The following VAV2 variants were observed in gnomAD, a reference collection of about 807,000 sequenced individuals.
VAV2 encodes vav guanine nucleotide exchange factor 2, also known as guanine nucleotide exchange factor VAV2.
VAV2 carries 67 observed loss-of-function variants against 132.5 expected under a neutral mutation model. That is an observed-to-expected ratio of 0.51 (90% CI 0.42 to 0.62). The LOEUF (loss-of-function observed/expected upper bound fraction) is 0.62, where lower values mean the gene tolerates loss of function less well. Among genes scored for constraint, VAV2 ranks in the 20% least tolerant of loss-of-function variants. The probability of loss-of-function intolerance (pLI) is 0.00; values close to 1 mark genes in which losing one functional copy is unlikely to be tolerated. For missense variants in VAV2, 938 were observed against 1,153.6 expected, an observed-to-expected ratio of 0.81 and a Z score of 2.71; for synonymous variants, 492 against 443.5, an observed-to-expected ratio of 1.11 and a Z score of -1.37.
At position 133,935,811 on chromosome 9, in the gene VAV2, A is replaced by G. The variant is rs2132123910; in HGVS notation, c.321+3292T>C. 6.6e-6 allele frequency among the ~76,000 whole-genome samples: 1 copy of G among 152,194 alleles called. No individual in the cohort carries two copies. Among genetic ancestry groups the G allele is most frequent in the Middle Eastern group, 3.4e-3 (1 of 294 alleles). ...AGACAGGGCTGGCGGGGCCGAGGCC[A>G]GGCCCACGCTGAAGGGCAAGTGCGG... On this transcript the variant is annotated intron_variant, in intron 2 of 29. Transcript: ENST00000371850. The surrounding 1 kb of genome is among the most constrained non-coding windows in gnomAD (Gnocchi z 5.2).
chr9:133,977,710 C>A (rs1390389897), intron 1 of VAV2, among the ~76,000 whole-genome samples: 1 of 152,256 alleles, frequency 6.6e-6, no homozygotes, highest in Non-Finnish European at 1.5e-5. Flanking sequence ...TGCCCCTCAA[C>A]ACGCAGCCTG....
chr9:133,937,454 T>C (rs1397733143), intron 2 of VAV2, among the ~76,000 whole-genome samples: 1 of 144,602 alleles, frequency 6.9e-6, no homozygotes, highest in Admixed American at 6.9e-5. Context: ...GCTGTGTGTG[T>C]CTGAGTGTGA....
intron 2 of VAV2, among the ~76,000 whole-genome samples, chr9:133,866,735 C>T (rs7047679): frequency 1.3e-5 from 2 of 149,942 alleles, no homozygotes; most frequent in South Asian, 2.1e-4. Context: ...GAACCCAGGA[C>T]GTGGAGGTTC....
intron 1 of VAV2, among the ~76,000 whole-genome samples, chr9:133,946,708 G>C (rs1371279033): frequency 6.6e-6 from 1 of 152,230 alleles, no homozygotes; most frequent in Middle Eastern, 3.4e-3. Context: ...GGATGTCTTT[G>C]ATCAATAAAA....
chr9:133,790,791 G>A (rs530681688), intron 13 of VAV2, among the ~76,000 whole-genome samples: 17 of 151,988 alleles, frequency 1.1e-4, no homozygotes, highest in African/African-American at 2.2e-4. Context: ...CCCCACGTTC[G>A]CGGAGGGCAT....
rs949629758 is a variant in VAV2 at position 133,788,554 on chromosome 9, G to A, written c.1275-68C>T. The A allele has an allele frequency of 1.9e-6, 3 of 1,565,322 alleles. No individual in the cohort carries two copies. In the African/African-American group the frequency reaches 4.0e-5, roughly 21 times the overall value. ...TGTGCTCTGCTCCGAGGAGGCGGCAGGAGCTGAGCCTGAGGCTCTGGCACG... is the reference window on the plus strand; with the variant it reads ...TGTGCTCTGCTCCGAGGAGGCGGCAAGAGCTGAGCCTGAGGCTCTGGCACG... On this transcript the variant is annotated intron_variant, in intron 14 of 29. Transcript: ENST00000371850. This position sits in a 1 kb window ranked among gnomAD's most constrained non-coding sequence, Gnocchi z 5.3.
Position 133,769,624 on chromosome 9 carries a change from A to C in VAV2, c.2348-121T>G. 1 of 1,054,532 alleles carries C rather than the reference A, an allele frequency of 9.5e-7. No homozygotes were observed. Among genetic ancestry groups the C allele is most frequent in the Non-Finnish European group, 1.4e-6 (1 of 728,952 alleles). The allele number at this position is 1,054,532 out of a possible 1,614,324, so 65.3% of individuals were successfully genotyped here. On this transcript the variant is annotated intron_variant, in intron 27 of 29. Coordinates refer to ENST00000371850, the MANE Select transcript of VAV2 (RefSeq NM_001134398.2). This position sits in a 1 kb window ranked among gnomAD's most constrained non-coding sequence, Gnocchi z 8.1. ...CAGGCCCTTTGGCAGGAGAGGCCCTACAGGGGGGCAAAGGAGGCAGGGGGC... is the reference window on the plus strand; with the variant it reads ...CAGGCCCTTTGGCAGGAGAGGCCCTCCAGGGGGGCAAAGGAGGCAGGGGGC...
intron 1 of VAV2, among the ~76,000 whole-genome samples, chr9:133,972,709 CCAG>C (rs894827029): frequency 5.3e-5 from 8 of 152,196 alleles, no homozygotes; most frequent in Non-Finnish European, 1.2e-4. Context: ...GCCACTCACT[CCAG>C]CGAGGGGAAC....
intron 2 of VAV2, among the ~76,000 whole-genome samples, chr9:133,873,581 C>A (rs1444596576): frequency 6.6e-6 from 1 of 152,210 alleles, no homozygotes; most frequent in Non-Finnish European, 1.5e-5. Flanking sequence ...CCTCAGGTCC[C>A]CTGAACACTG....
intron 29 of VAV2, among the ~76,000 whole-genome samples, chr9:133,764,609 A>C (rs1435806863): frequency 1.3e-5 from 2 of 152,220 alleles, no homozygotes; most frequent in Non-Finnish European, 2.9e-5. Flanking sequence ...TAGAACTGAA[A>C]CATACGATGA....
chr9:133,964,025 A>T (rs994229054), intron 1 of VAV2, among the ~76,000 whole-genome samples: 47 of 42,678 alleles, frequency 1.1e-3, no homozygotes, highest in Non-Finnish European at 1.1e-3. Flanking sequence ...ATTCATTCAT[A>T]TATATATATA....
intron 22 of VAV2, among the ~76,000 whole-genome samples, chr9:133,777,984 C>T (rs1308306797): frequency 6.6e-6 from 1 of 152,198 alleles, no homozygotes; most frequent in Admixed American, 6.5e-5. Flanking sequence ...TGGCGCTCTG[C>T]TGACCTGTGG....
rs1833314000 is a variant in VAV2 at position 133,763,060 on chromosome 9, G to A, written c.*1002C>T. Reference sequence around the variant, plus strand: ...TTTTGAGTCGCCCGAGGCCCAGTTTGTAGGCTGCAGGGGCCCTTGGAAGGA... The same window carrying A: ...TTTTGAGTCGCCCGAGGCCCAGTTTATAGGCTGCAGGGGCCCTTGGAAGGA... On this transcript the variant is annotated 3_prime_UTR_variant, in exon 30 of 30. Transcript: ENST00000371850. The surrounding 1 kb of genome is among the most constrained non-coding windows in gnomAD (Gnocchi z 6.8). 1 of 152,642 alleles carries A rather than the reference G, an allele frequency of 6.6e-6. No homozygotes were observed. Among genetic ancestry groups the A allele is most frequent in the African/African-American group, 2.4e-5 (1 of 41,442 alleles). The allele number at this position is 152,642 out of a possible 1,614,324, so 9.5% of individuals were successfully genotyped here. A position where few individuals can be genotyped will look rare whatever the true frequency, so the allele number is the denominator to read the frequency against.
rs980928513 is a variant in VAV2 at position 133,788,196 on chromosome 9, G to A, written c.1407+158C>T. The stretch of plus-strand genomic sequence containing the variant: ...CACGACGGCGAGGCAGTGACTCAGA[G>A]AGGAGCCTTCCTGCAGAGCGGAGAC... On this transcript the variant is annotated intron_variant, in intron 15 of 29. Coordinates refer to ENST00000371850, the MANE Select transcript of VAV2 (RefSeq NM_001134398.2). This position sits in a 1 kb window ranked among gnomAD's most constrained non-coding sequence, Gnocchi z 5.3. 6.6e-6 allele frequency among the ~76,000 whole-genome samples: 1 copy of A among 152,188 alleles called. No individual in the cohort carries two copies. The highest frequency in any genetic ancestry group is 1.5e-5 in the Non-Finnish European group (1 of 68,036).
At chr9:133,842,337 C>T (rs1377148578) in intron 3 of VAV2, among the ~76,000 whole-genome samples, 2 of 152,246 alleles carry the variant, frequency 1.3e-5, no homozygotes, top group Admixed American at 6.5e-5. Flanking sequence ...GGCTGCTCCA[C>T]GTGACCCTGG....
rs906974378 is a variant in VAV2 at position 133,928,419 on chromosome 9, G to A, written c.321+10684C>T. On this transcript the variant is annotated intron_variant, in intron 2 of 29. Coordinates refer to ENST00000371850, the MANE Select transcript of VAV2 (RefSeq NM_001134398.2). This position sits in a 1 kb window ranked among gnomAD's most constrained non-coding sequence, Gnocchi z 5.4. ...GCCTGAGGCAGCTCCCCACCCCAGCGAGGAGCGACTGCATTTTAATAAGTA... is the reference window on the plus strand; with the variant it reads ...GCCTGAGGCAGCTCCCCACCCCAGCAAGGAGCGACTGCATTTTAATAAGTA... Among the ~76,000 whole-genome samples, 2 of 152,196 alleles carry A rather than the reference G, an allele frequency of 1.3e-5. No individual in the cohort carries two copies. The highest frequency in any genetic ancestry group is 2.9e-5 in the Non-Finnish European group (2 of 68,040).
intron 3 of VAV2, among the ~76,000 whole-genome samples, chr9:133,844,162 G>A (rs1195279502): frequency 6.6e-6 from 1 of 152,220 alleles, no homozygotes. Flanking sequence ...GGGAGAGGAA[G>A]GGGCCTGGCG....
At chr9:133,886,369 G>A (rs1838709413) in intron 2 of VAV2, among the ~76,000 whole-genome samples, 1 of 152,212 alleles carries the variant, frequency 6.6e-6, no homozygotes, top group Admixed American at 6.5e-5. Context: ...GCCACAGGGA[G>A]GTCCTTTATA....
chr9:133,818,133 G>A (rs1835637241), intron 4 of VAV2, among the ~76,000 whole-genome samples: 1 of 152,140 alleles, frequency 6.6e-6, no homozygotes, highest in Non-Finnish European at 1.5e-5. Context: ...GGGGGGCCGA[G>A]GTGGGCAGAT....
Sources: gnomAD v4.1 joint callset for allele counts (sites outside exome capture counted in the v4.1 genomes callset) on GRCh38, gnomAD v4.1.1 for gene constraint, Gnocchi (gnomAD v3.1) non-coding constraint, MANE v1.5 for transcripts, NCBI Gene and HGNC (gene_info 2026-07-23, HGNC 2026-07-21) for gene names.